The following STOX2 variants were observed in gnomAD, a reference collection of about 807,000 sequenced individuals.
The protein encoded by STOX2 is storkhead box 2, also known as storkhead-box protein 2.
STOX2 carries 28 observed loss-of-function variants against 60.9 expected under a neutral mutation model. That is an observed-to-expected ratio of 0.46 (90% CI 0.34 to 0.63). The LOEUF is 0.63. STOX2 is among the 30% of genes least tolerant of loss of function. STOX2 has a pLI of 0.01. For synonymous variants in STOX2, 472 were observed against 463.9 expected, an observed-to-expected ratio of 1.02 and a Z score of -0.22; for missense variants, 1,024 against 1,187.7, an observed-to-expected ratio of 0.86 and a Z score of 2.03.
intron 1 of STOX2, among the ~76,000 whole-genome samples, chr4:183,976,713 T>C (rs887685342): frequency 2.0e-5 from 3 of 152,062 alleles, no homozygotes; most frequent in Admixed American, 6.6e-5. Context: ...AAAATAAAAG[T>C]TGAAGAAAAA....
intron 2 of STOX2, among the ~76,000 whole-genome samples, chr4:184,008,111 C>T (rs1347809814): frequency 6.6e-6 from 1 of 152,290 alleles, no homozygotes; most frequent in Non-Finnish European, 1.5e-5. Flanking sequence ...TTTTGTGAGT[C>T]AGATGGTTAA....
intron 1 of STOX2, among the ~76,000 whole-genome samples, chr4:183,855,241 A>T (rs1040127638): frequency 1.3e-5 from 2 of 152,198 alleles, no homozygotes; most frequent in Non-Finnish European, 2.9e-5. Flanking sequence ...TTTGAAATTT[A>T]ATTGTGTGTA....
In STOX2 at chr4:183,963,449, C is replaced by T. The variant is rs183433709; in HGVS notation, c.167-37876C>T. Among the ~76,000 whole-genome samples, 23 of 149,622 alleles carry T rather than the reference C, an allele frequency of 1.5e-4. No homozygotes were observed. The East Asian group carries it at 3.9e-3, about 25-fold the overall frequency. ...TTCTTTTTTTCTTTTTTTTTTGAGA[C>T]GGAGTCTTGCACTGTCACCCAGGCT... On this transcript the variant is annotated intron_variant, in intron 1 of 3. Transcript: ENST00000308497.
intron 1 of STOX2, among the ~76,000 whole-genome samples, chr4:183,834,687 G>A (rs1412426719): frequency 6.6e-6 from 1 of 152,216 alleles, no homozygotes; most frequent in African/African-American, 2.4e-5. Context: ...AGTCATATTA[G>A]GCAAAGAGAA....
chr4:183,882,738 C>G (rs1740985568), intron 1 of STOX2, among the ~76,000 whole-genome samples: 1 of 152,182 alleles, frequency 6.6e-6, no homozygotes, highest in South Asian at 2.1e-4. Flanking sequence ...TAGAATCCTT[C>G]TGGTCTGATG....
rs371027279 is a variant in STOX2, at chr4:183,997,159, G to A, written c.167-4166G>A. 1.7e-4 allele frequency among the ~76,000 whole-genome samples: 26 copies of A among 152,162 alleles called. 1 individual carries two copies. In the East Asian group the frequency reaches 1.9e-3, roughly 11 times the overall value. Reference sequence around the variant, plus strand: ...TGCAGGGAGAGAAGACAGTAAACTCGGCTGTGATGGAATGGCAGTAGACCA... The same window carrying A: ...TGCAGGGAGAGAAGACAGTAAACTCAGCTGTGATGGAATGGCAGTAGACCA... On this transcript the variant is annotated intron_variant, in intron 1 of 3. Coordinates refer to ENST00000308497, the MANE Select transcript of STOX2 (RefSeq NM_020225.3).
intron 1 of STOX2, among the ~76,000 whole-genome samples, chr4:183,805,053 G>C (rs915955053): frequency 6.6e-6 from 1 of 152,176 alleles, no homozygotes; most frequent in Non-Finnish European, 1.5e-5. Flanking sequence ...GATGCTTTCT[G>C]TTCCTGAGGT....
chr4:183,972,666 G>A (rs1002207348), intron 1 of STOX2, among the ~76,000 whole-genome samples: 8 of 151,978 alleles, frequency 5.3e-5, no homozygotes, highest in African/African-American at 7.3e-5. Context: ...TGTTGATCAC[G>A]TGCTTAAAAA....
At chr4:183,879,726 A>G (rs1298268917) in intron 1 of STOX2, among the ~76,000 whole-genome samples, 4 of 152,024 alleles carry the variant, frequency 2.6e-5, no homozygotes, top group African/African-American at 9.7e-5. Flanking sequence ...GATGAGTGGA[A>G]GGAAGGGTTA....
intron 1 of STOX2, among the ~76,000 whole-genome samples, chr4:183,817,772 G>A (rs920847840): frequency 1.3e-5 from 2 of 152,056 alleles, no homozygotes; most frequent in Non-Finnish European, 2.9e-5. Flanking sequence ...TCTCACCGAT[G>A]GTATTGAAAA....
chr4:183,891,203 G>C (rs1005464369), intron 1 of STOX2, among the ~76,000 whole-genome samples: 4 of 151,558 alleles, frequency 2.6e-5, no homozygotes, highest in Admixed American at 2.6e-4. Flanking sequence ...CTCACAGTTT[G>C]CAATTGCAAA....
At chr4:183,973,734 G>A (rs1310163677) in intron 1 of STOX2, among the ~76,000 whole-genome samples, 1 of 152,244 alleles carries the variant, frequency 6.6e-6, no homozygotes, top group East Asian at 1.9e-4. Context: ...TGTGGCTCAT[G>A]CCTCTGATCT....
At chr4:183,841,853 T>C (rs986035131) in intron 1 of STOX2, among the ~76,000 whole-genome samples, 2 of 152,206 alleles carry the variant, frequency 1.3e-5, no homozygotes, top group African/African-American at 4.8e-5. Flanking sequence ...TAAATGCTTA[T>C]GGTGGGAATT....
intron 1 of STOX2, among the ~76,000 whole-genome samples, chr4:183,876,738 C>T (rs564539239): frequency 1.3e-5 from 2 of 152,336 alleles, no homozygotes; most frequent in East Asian, 3.9e-4. Context: ...TTCACGGCTG[C>T]GCCTCCCACT....
At chr4:183,985,367 G>A (rs1177940818) in intron 1 of STOX2, among the ~76,000 whole-genome samples, 2 of 152,136 alleles carry the variant, frequency 1.3e-5, no homozygotes, top group East Asian at 1.9e-4. Flanking sequence ...ATACATAAAC[G>A]TGTAAAAGGT....
intron 1 of STOX2, among the ~76,000 whole-genome samples, chr4:183,815,733 A>C (rs1739138752): frequency 6.6e-6 from 1 of 152,236 alleles, no homozygotes; most frequent in Non-Finnish European, 1.5e-5. Flanking sequence ...GGTCCTCAGC[A>C]TGGGTAGGTA....
chr4:184,008,812 T>C (rs1044559856), intron 2 of STOX2, among the ~76,000 whole-genome samples: 1 of 152,216 alleles, frequency 6.6e-6, no homozygotes, highest in Non-Finnish European at 1.5e-5. Context: ...TCATATCATA[T>C]CATGGGAAAC....
chr4:183,955,576 T>C (rs1322147085), intron 1 of STOX2, among the ~76,000 whole-genome samples: 1 of 152,172 alleles, frequency 6.6e-6, no homozygotes. Context: ...AGCTGATATC[T>C]GGGAGTTTTC....
chr4:183,862,915 C>T (rs944229083), intron 1 of STOX2, among the ~76,000 whole-genome samples: 4 of 152,132 alleles, frequency 2.6e-5, no homozygotes, highest in Non-Finnish European at 5.9e-5. Context: ...TGGTTATTTC[C>T]GGTCAGACAG....
Sources: gnomAD v4.1 joint callset for allele counts (sites outside exome capture counted in the v4.1 genomes callset) on GRCh38, gnomAD v4.1.1 for gene constraint, MANE v1.5 for transcripts, NCBI Gene and HGNC (gene_info 2026-07-23, HGNC 2026-07-21) for gene names.